Variants in CYTIP observed in about 807,000 individuals in gnomAD.
CYTIP encodes cytohesin-interacting protein.
CYTIP carries 26 observed loss-of-function variants against 43.8 expected under a neutral mutation model. The observed-to-expected ratio is 0.59, with a 90% CI of 0.44 to 0.82. CYTIP has a LOEUF of 0.82. Ranked by LOEUF, CYTIP falls within the 40% of genes least tolerant of loss-of-function variation. CYTIP has a pLI of 0.00. For synonymous variants in CYTIP, 162 were observed against 162.9 expected (o/e 0.99, Z 0.04); for missense variants, 426 against 443.1 (o/e 0.96, Z 0.35).
At chr2:157,421,836 G>A (rs1464482661) in intron 6 of CYTIP, among the ~76,000 whole-genome samples, 3 of 152,100 alleles carry the variant, frequency 2.0e-5, no homozygotes, top group African/African-American at 4.8e-5. Context: ...AGAGTTAAAC[G>A]GAATCTCATA....
intron 5 of CYTIP, among the ~76,000 whole-genome samples, chr2:157,429,499 G>A (rs772530181): frequency 9.9e-5 from 15 of 152,064 alleles, no homozygotes; most frequent in African/African-American, 1.4e-4. Flanking sequence ...TAAATTTCAG[G>A]CTTTTCTGAG....
intron 3 of CYTIP, among the ~76,000 whole-genome samples, chr2:157,431,397 A>T (rs1271968083): frequency 6.6e-6 from 1 of 152,196 alleles, no homozygotes; most frequent in Non-Finnish European, 1.5e-5. Context: ...ACATGCCAAC[A>T]ATGATTATTT....
At chr2:157,436,776 T>A (rs549160315) in intron 1 of CYTIP, among the ~76,000 whole-genome samples, 1 of 152,124 alleles carries the variant, frequency 6.6e-6, no homozygotes, top group Non-Finnish European at 1.5e-5. Flanking sequence ...TAGATAAAAA[T>A]AAATAAACTA....
chr2:157,442,426 G>A (rs1170535376), intron 1 of CYTIP, among the ~76,000 whole-genome samples: 1 of 151,196 alleles, frequency 6.6e-6, no homozygotes, highest in Non-Finnish European at 1.5e-5. Flanking sequence ...GGACATAGAG[G>A]GTGGAAAGTT....
intron 5 of CYTIP, among the ~76,000 whole-genome samples, chr2:157,429,400 C>G (rs112618730): frequency 6.6e-6 from 1 of 152,198 alleles, no homozygotes; most frequent in Non-Finnish European, 1.5e-5. Context: ...CTAAGCCAAA[C>G]TAGCAGCCTT....
At chr2:157,418,856 A>G (rs1357312505) in intron 6 of CYTIP, among the ~76,000 whole-genome samples, 1 of 152,114 alleles carries the variant, frequency 6.6e-6, no homozygotes, top group Non-Finnish European at 1.5e-5. Flanking sequence ...TATTTAAACA[A>G]TTATTTTAAT....
At chr2:157,419,204 T>C (rs77385769) in intron 6 of CYTIP, among the ~76,000 whole-genome samples, 2,898 of 152,278 alleles carry the variant, frequency 0.019, 105 homozygotes, top group East Asian at 0.092. Flanking sequence ...TTCACCACGC[T>C]GGCCAGGCTG....
At chr2:157,442,945 G>A (rs1381707307) in intron 1 of CYTIP, among the ~76,000 whole-genome samples, 5 of 152,026 alleles carry the variant, frequency 3.3e-5, no homozygotes, top group Admixed American at 2.6e-4. Context: ...TGTACCTGGG[G>A]ATTTAGAGCA....
chr2:157,430,091 GT>G (rs1376361169), intron 5 of CYTIP, among the ~76,000 whole-genome samples: 1 of 151,994 alleles, frequency 6.6e-6, no homozygotes, highest in African/African-American at 2.4e-5. Flanking sequence ...GTGTTTCAGG[GT>G]GGGGAGGGTT....
chr2:157,444,007 C>G lies in CYTIP; in HGVS notation c.14G>C (p.Arg5Thr). The change falls in exon 1 of 8, where the codon AGG (arginine) becomes ACG (threonine). Residue 5 changes from arginine to threonine, a missense_variant. Coordinates refer to ENST00000264192, the MANE Select transcript of CYTIP (RefSeq NM_004288.5). MSLQ[R>T]LLQHSSNGNL... ...GCCATTGCTGCTGTGTTGCAGGAGC[C>G]TTTGTAAAGACATTGTGAATAAAGA... 1.2e-6 allele frequency: 2 copies of G among 1,613,880 alleles called. No individual in the cohort carries two copies. Among genetic ancestry groups the G allele is most frequent in the Non-Finnish European group, 1.7e-6 (2 of 1,179,856 alleles).
Position 157,428,594 on chromosome 2 carries a change from G to A in CYTIP, c.477-1174C>T, listed in dbSNP as rs938724094. Among the ~76,000 whole-genome samples, 9 of 152,240 alleles carry A rather than the reference G, an allele frequency of 5.9e-5. No homozygotes were observed. The East Asian group carries it at 1.2e-3, about 20-fold the overall frequency. ...TGTACAGACTGTCTCCCATTTTCCC[G>A]GATTTCCAACAGTTACCTCCATCTA... On this transcript the variant is annotated intron_variant, in intron 5 of 7. Coordinates refer to ENST00000264192, the MANE Select transcript of CYTIP (RefSeq NM_004288.5).
intron 7 of CYTIP, 113 bp downstream of exon 7, chr2:157,418,410 A>G (rs1573853180): frequency 5.0e-6 from 5 of 1,008,784 alleles, no homozygotes; most frequent in Non-Finnish European, 7.2e-6. Context: ...CATTTCCTTG[A>G]CCAGCACTAG....
chr2:157,434,712 A>G lies in CYTIP; in HGVS notation c.210T>C (p.Phe70=), dbSNP rs771434940. 9.0e-5 allele frequency: 145 copies of G among 1,611,428 alleles called. 2 individuals carry two copies. In the Admixed American group the frequency reaches 2.3e-3, roughly 26 times the overall value. The part of the protein sequence containing the change: ...ALTRSSSLSD[F]SWSQRKLVTV... ...AATCTCTTTACCTTTGAGACCAGGA[A>G]AAGTCACTTAAAGAACTTGATCTGG... Residue 70 remains phenylalanine (F), a synonymous_variant, in exon 2 of 8, where the codon TTT becomes TTC. Coordinates refer to ENST00000264192, the MANE Select transcript of CYTIP (RefSeq NM_004288.5).
intron 5 of CYTIP, among the ~76,000 whole-genome samples, chr2:157,428,329 T>TAA (rs762247338): frequency 2.0e-5 from 3 of 152,218 alleles, no homozygotes; most frequent in Non-Finnish European, 4.4e-5. Context: ...CAAGGCATGG[T>TAA]AAAAGCATTA....
intron 6 of CYTIP, among the ~76,000 whole-genome samples, chr2:157,423,362 A>G (rs1208374952): frequency 1.3e-5 from 2 of 152,016 alleles, no homozygotes; most frequent in Non-Finnish European, 2.9e-5. Context: ...GGCACACTCA[A>G]TTTTTGACAA....
chr2:157,443,446 G>T (rs777834520), intron 1 of CYTIP, among the ~76,000 whole-genome samples: 2 of 152,114 alleles, frequency 1.3e-5, no homozygotes, highest in African/African-American at 2.4e-5. Flanking sequence ...TTTCTTATTT[G>T]ATTATGAACT....
chr2:157,434,586 G>C (rs1398430421), intron 2 of CYTIP, 112 bp downstream of exon 2: 1 of 807,540 alleles, frequency 1.2e-6, no homozygotes, highest in Non-Finnish European at 2.0e-6. Context: ...GTGCGTCTGT[G>C]TGTGTGCGTA....
chr2:157,424,111 C>T (rs755282911), intron 6 of CYTIP, among the ~76,000 whole-genome samples: 35 of 152,160 alleles, frequency 2.3e-4, no homozygotes, highest in South Asian at 4.1e-4. Flanking sequence ...TGTATGGTAG[C>T]GCCTAAGCTG....
chr2:157,427,544 C>T (rs155613), intron 5 of CYTIP, 124 bp from the exon 6 acceptor site: 531,813 of 561,796 alleles, frequency 0.95, 252,056 homozygotes, highest in Admixed American at 0.96. Flanking sequence ...AAACGAAATA[C>T]AAATGTTACA....
Sources: allele counts gnomAD v4.1 joint callset (sites outside exome capture counted in the v4.1 genomes callset), GRCh38; gene constraint gnomAD v4.1.1; transcripts MANE v1.5; gene names NCBI Gene and HGNC (gene_info 2026-07-23, HGNC 2026-07-21).